ORC5: variants seen among roughly 807,000 people sequenced by gnomAD.
The protein encoded by ORC5 is origin recognition complex subunit 5.
In ORC5, 39 loss-of-function variants were observed where a neutral mutation model predicts 58.8. That is an observed-to-expected ratio of 0.66 (90% CI 0.51 to 0.87). The LOEUF (loss-of-function observed/expected upper bound fraction) is 0.87, where lower values mean the gene tolerates loss of function less well. Ranked by LOEUF, ORC5 falls within the 40% of genes least tolerant of loss-of-function variation. ORC5 has a pLI of 0.00. For missense variants in ORC5, 493 were observed against 506.3 expected (o/e 0.97, Z 0.25); for synonymous variants, 218 against 177.6 (o/e 1.23, Z -1.81).
chr7:104,170,502 A>G (rs1008490708), intron 8 of ORC5, among the ~76,000 whole-genome samples: 1 of 152,202 alleles, frequency 6.6e-6, no homozygotes, highest in African/African-American at 2.4e-5. Context: ...GAATGGAACC[A>G]CAAGCCAGGG....
chr7:104,190,870 C>A lies in ORC5; in HGVS notation c.554-2489G>T, dbSNP rs533346167. Among the ~76,000 whole-genome samples the A allele has an allele frequency of 1.7e-4, 26 of 151,776 alleles. No homozygotes were observed. The South Asian group carries it at 5.0e-3, about 29-fold the overall frequency. On this transcript the variant is annotated intron_variant, in intron 5 of 13. Coordinates refer to ENST00000297431, the MANE Select transcript of ORC5 (RefSeq NM_002553.4). ...TAGTATTTTTAGCCAGGCCATTTAC[C>A]ATTGGCCCTTGATTTTAACCACTCT...
chr7:104,166,728 T>C (rs1410115834), intron 10 of ORC5, 44 bp downstream of exon 10: 1 of 1,074,876 alleles, frequency 9.3e-7, no homozygotes, highest in South Asian at 1.4e-5. Flanking sequence ...AAAATATTCC[T>C]GGGATCTTAA....
chr7:104,197,387 G>A (rs1799825206), intron 4 of ORC5, among the ~76,000 whole-genome samples: 1 of 152,128 alleles, frequency 6.6e-6, no homozygotes, highest in Admixed American at 6.5e-5. Flanking sequence ...TCTTATTTTA[G>A]ATTATCCTTA....
intron 5 of ORC5, among the ~76,000 whole-genome samples, chr7:104,194,874 T>G (rs1275580387): frequency 1.3e-5 from 2 of 150,368 alleles, no homozygotes. Context: ...ATAAAAATTT[T>G]GTAAGTGCAG....
rs370206752 is a variant in ORC5, at chr7:104,126,493, C to G, written c.*355G>C. ...GGCATATAAACAAGGGCTGCTGGCA[C>G]GTTCAAAGCGCAGGGGATAGTTCAC... On this transcript the variant is annotated 3_prime_UTR_variant, in exon 14 of 14. Coordinates refer to ENST00000297431, the MANE Select transcript of ORC5 (RefSeq NM_002553.4). 1.2e-4 allele frequency: 22 copies of G among 187,868 alleles called. No individual in the cohort carries two copies. The East Asian group carries it at 2.1e-3, about 18-fold the overall frequency. 11.6% of individuals were successfully genotyped at this position (187,868 alleles called of 1,614,324 possible). A position where few individuals can be genotyped will look rare whatever the true frequency, so the allele number is the denominator to read the frequency against.
intron 8 of ORC5, among the ~76,000 whole-genome samples, chr7:104,170,691 G>A (rs1190438154): frequency 6.6e-6 from 1 of 152,152 alleles, no homozygotes; most frequent in African/African-American, 2.4e-5. Context: ...CAATATACTA[G>A]TACAGTTTCA....
At chr7:104,199,182 G>GT (rs1392160025) in intron 3 of ORC5, among the ~76,000 whole-genome samples, 1 of 100 alleles carries the variant, frequency 0.01, no homozygotes, top group Non-Finnish European at 0.021. Flanking sequence ...AGTCCCCACT[G>GT]GGCACTGCCT....
chr7:104,191,719 TA>T (rs926431690), intron 5 of ORC5, among the ~76,000 whole-genome samples: 3 of 151,112 alleles, frequency 2.0e-5, no homozygotes, highest in South Asian at 2.1e-4. Flanking sequence ...TCAAATTCAT[TA>T]AAAAAAAATC....
chr7:104,179,581 T>C (rs1584507972), intron 8 of ORC5, among the ~76,000 whole-genome samples: 1 of 149,408 alleles, frequency 6.7e-6, no homozygotes, highest in African/African-American at 2.4e-5. Context: ...TAGTAAAAAT[T>C]AGAGGTTTTC....
At chr7:104,171,843 G>C (rs972999444) in intron 8 of ORC5, among the ~76,000 whole-genome samples, 2 of 151,848 alleles carry the variant, frequency 1.3e-5, no homozygotes, top group Non-Finnish European at 2.9e-5. Flanking sequence ...CGAGACAATG[G>C]GACCCTGTCT....
intron 5 of ORC5, among the ~76,000 whole-genome samples, chr7:104,191,777 C>T (rs10239859): frequency 0.1 from 15,497 of 151,690 alleles, 2,601 homozygotes; most frequent in African/African-American, 0.35. Flanking sequence ...AGGTAGTAAA[C>T]AAAGGGTAGG....
chr7:104,159,390 A>C (rs1466890579), intron 12 of ORC5, among the ~76,000 whole-genome samples: 5 of 147,130 alleles, frequency 3.4e-5, no homozygotes, highest in African/African-American at 1.3e-4. Flanking sequence ...TGACGAGTTA[A>C]TGGGTGCAGC....
rs569801075 is a variant in ORC5, at chr7:104,143,120, T to C, written c.1150-6227A>G. Among the ~76,000 whole-genome samples, 5 of 152,282 alleles carry C rather than the reference T, an allele frequency of 3.3e-5. 1 individual carries two copies. The highest frequency in any genetic ancestry group is 7.2e-5 in the African/African-American group (3 of 41,548). On this transcript the variant is annotated intron_variant, in intron 12 of 13. Transcript: ENST00000297431. ...TAATAGCTATTTGAAAAATCATGCA[T>C]TGAACTCTATTATTAAAGGCAGTTC...
chr7:104,167,647 T>C (rs949336682), intron 9 of ORC5, among the ~76,000 whole-genome samples: 2 of 152,228 alleles, frequency 1.3e-5, no homozygotes, highest in African/African-American at 4.8e-5. Flanking sequence ...GGAAGGAATC[T>C]GATATTTACT....
At position 104,207,471 on chromosome 7, in the gene ORC5, C is replaced by T. The variant is rs376910278; in HGVS notation, c.72+362G>A. ...CAACTACCGCACAGAAACGTGTGAA[C>T]TTACATTTGAATAAATAACACCCTG... On this transcript the variant is annotated intron_variant, in intron 1 of 13. Coordinates refer to ENST00000297431, the MANE Select transcript of ORC5 (RefSeq NM_002553.4). 1.1e-4 allele frequency among the ~76,000 whole-genome samples: 17 copies of T among 152,334 alleles called. No homozygotes were observed. The East Asian group carries it at 2.7e-3, about 24-fold the overall frequency.
chr7:104,197,135 T>C (rs575075310), intron 4 of ORC5, among the ~76,000 whole-genome samples: 2 of 152,168 alleles, frequency 1.3e-5, no homozygotes, highest in Non-Finnish European at 2.9e-5. Flanking sequence ...AAGTGCAACA[T>C]ATAATGAAAC....
chr7:104,168,237 G>T, intron 9 of ORC5: 2 of 1,060,312 alleles, frequency 1.9e-6, no homozygotes, highest in Non-Finnish European at 2.4e-6. Context: ...TGATTTTCAT[G>T]ATATAATCCA....
intron 8 of ORC5, among the ~76,000 whole-genome samples, chr7:104,171,659 GC>G (rs1218754271): frequency 1.3e-5 from 2 of 151,996 alleles, no homozygotes; most frequent in East Asian, 3.9e-4. Flanking sequence ...AGACTATCAT[GC>G]TAACTCTGGC....
intron 13 of ORC5, among the ~76,000 whole-genome samples, chr7:104,127,462 T>C (rs1218614672): frequency 6.6e-6 from 1 of 152,218 alleles, no homozygotes; most frequent in Non-Finnish European, 1.5e-5. Flanking sequence ...TGTACTCTGA[T>C]GGCAGGCAGA....
Sources: gnomAD v4.1 joint callset for allele counts (sites outside exome capture counted in the v4.1 genomes callset) on GRCh38, gnomAD v4.1.1 for gene constraint, MANE v1.5 for transcripts, NCBI Gene and HGNC (gene_info 2026-07-23, HGNC 2026-07-21) for gene names.